GLIS3: variants seen among roughly 807,000 people sequenced by gnomAD.
The protein encoded by GLIS3 is GLIS family zinc finger 3, also known as zinc finger protein GLIS3.
A neutral mutation model predicts 78.6 loss-of-function variants in GLIS3; 53 were observed. The ratio of observed to expected loss-of-function variants is 0.67; its 90% confidence interval spans 0.54 to 0.85. GLIS3 has a LOEUF of 0.85. Ranked by LOEUF, GLIS3 falls within the 40% of genes least tolerant of loss-of-function variation. The pLI is 0.00. For synonymous variants in GLIS3, 684 were observed against 509.9 expected (o/e 1.34, Z -4.60); for missense variants, 1,703 against 1,231.1 (o/e 1.38, Z -5.74).
intron 2 of GLIS3, among the ~76,000 whole-genome samples, chr9:4,183,453 T>A (rs10119355): frequency 2.0e-5 from 3 of 151,984 alleles, no homozygotes. Flanking sequence ...CTCATTCCCA[T>A]TAACTTAATC....
At chr9:4,139,085 A>G (rs947202491) in intron 2 of GLIS3, among the ~76,000 whole-genome samples, 1 of 152,218 alleles carries the variant, frequency 6.6e-6, no homozygotes, top group African/African-American at 2.4e-5. Flanking sequence ...GTAAAGCCCA[A>G]CTTATCTTAT....
intron 4 of GLIS3, among the ~76,000 whole-genome samples, chr9:4,059,827 T>TGAGAGAGAGAGAGAGA (rs1252079860): frequency 1.9e-5 from 2 of 106,702 alleles, no homozygotes; most frequent in African/African-American, 6.8e-5. Flanking sequence ...TGTGTGTGTG[T>TGAGAGAGAGAGAGAGA]GTGAGAGAGA....
At chr9:4,024,735 ATTC>A (rs903805351) in intron 4 of GLIS3, among the ~76,000 whole-genome samples, 17 of 152,242 alleles carry the variant, frequency 1.1e-4, no homozygotes, top group Middle Eastern at 3.4e-3. Context: ...GATTTACTTA[ATTC>A]TTCTTCTTCT....
rs374592926 is a variant in GLIS3, at chr9:4,129,716, C to A, written c.389-3775G>T. Reference sequence around the variant, plus strand: ...CTTTTCTTTATAAATTAGCCAGGCTCGGGTATTTCTTTATAGCAATGCGAG... The same window carrying A: ...CTTTTCTTTATAAATTAGCCAGGCTAGGGTATTTCTTTATAGCAATGCGAG... On this transcript the variant is annotated intron_variant, in intron 2 of 10. Coordinates refer to ENST00000381971, the MANE Select transcript of GLIS3 (RefSeq NM_001042413.2). Among the ~76,000 whole-genome samples, 32 of 152,232 alleles carry A rather than the reference C, an allele frequency of 2.1e-4. No individual in the cohort carries two copies. In the East Asian group the frequency reaches 2.9e-3, roughly 14 times the overall value.
the GLIS3 span, among the ~76,000 whole-genome samples, chr9:4,398,980 C>T: frequency 2.6e-5 from 4 of 152,230 alleles, no homozygotes; most frequent in African/African-American, 9.7e-5. Flanking sequence ...AGCCACCGTA[C>T]CCAGCCTGCT....
intron 2 of GLIS3, among the ~76,000 whole-genome samples, chr9:4,151,519 G>C (rs1201121170): frequency 6.6e-6 from 1 of 152,194 alleles, no homozygotes; most frequent in African/African-American, 2.4e-5. Context: ...GAACTTGACA[G>C]CATAATTTTT....
chr9:4,024,893 G>A (rs1219187126), intron 4 of GLIS3, among the ~76,000 whole-genome samples: 1 of 152,158 alleles, frequency 6.6e-6, no homozygotes, highest in East Asian at 1.9e-4. Context: ...CCACAGGGCA[G>A]TAATCATGCC....
chr9:4,314,432 A>G (rs1374351249), intron 2 of GLIS3, among the ~76,000 whole-genome samples: 2 of 152,344 alleles, frequency 1.3e-5, no homozygotes, highest in East Asian at 1.9e-4. Context: ...CATGCACACA[A>G]TATGTTTGCA....
intron 2 of GLIS3, among the ~76,000 whole-genome samples, chr9:4,258,259 A>G (rs935696895): frequency 6.6e-6 from 1 of 152,258 alleles, no homozygotes; most frequent in African/African-American, 2.4e-5. Context: ...ACTTAAAATC[A>G]TACATAAAAG....
Position 3,895,548 on chromosome 9 carries a change from G to A in GLIS3, c.2128+3143C>T, listed in dbSNP as rs377284806. On this transcript the variant is annotated intron_variant, in intron 7 of 10. Transcript: ENST00000381971. ...ATATTTGGCTGCTTTAACCTGGGACGCTATTATCTTTCACAGAAATAAAAG... is the reference window on the plus strand; with the variant it reads ...ATATTTGGCTGCTTTAACCTGGGACACTATTATCTTTCACAGAAATAAAAG... Among the ~76,000 whole-genome samples, 75 of 152,228 alleles carry A rather than the reference G, an allele frequency of 4.9e-4. 1 individual carries two copies. Among genetic ancestry groups the A allele is most frequent in the Admixed American group, 2.9e-3 (44 of 15,294 alleles).
At chr9:4,127,789 T>C (rs1832684684) in intron 2 of GLIS3, among the ~76,000 whole-genome samples, 1 of 152,188 alleles carries the variant, frequency 6.6e-6, no homozygotes, top group Admixed American at 6.5e-5. Context: ...TCAAATTTAA[T>C]GTCATATATT....
the GLIS3 span, among the ~76,000 whole-genome samples, chr9:4,476,300 G>T: frequency 6.6e-6 from 1 of 152,052 alleles, no homozygotes; most frequent in Non-Finnish European, 1.5e-5. Context: ...CTTTACTGGT[G>T]TATCTCTGGG....
intron 2 of GLIS3, among the ~76,000 whole-genome samples, chr9:4,159,564 C>G (rs902341622): frequency 3.3e-5 from 5 of 151,998 alleles, no homozygotes; most frequent in Non-Finnish European, 5.9e-5. Flanking sequence ...ACTAAAAATA[C>G]AAAAATTAAC....
chr9:4,301,645 C>A (rs749042924), upstream of GLIS3, among the ~76,000 whole-genome samples: 2 of 152,250 alleles, frequency 1.3e-5, no homozygotes, highest in South Asian at 2.1e-4. Flanking sequence ...GTGGAGACTG[C>A]AAAAAACCTT....
chr9:4,011,212 C>A lies in GLIS3; in HGVS notation c.1711-74023G>T, dbSNP rs141508055. On this transcript the variant is annotated intron_variant, in intron 4 of 10. Coordinates refer to ENST00000381971, the MANE Select transcript of GLIS3 (RefSeq NM_001042413.2). ...CAGATGTTCAAATAAATAACGTGTG[C>A]GCAGAGTACAAAGAGGGTGGCAAGC... Among the ~76,000 whole-genome samples, 10 of 152,196 alleles carry A rather than the reference C, an allele frequency of 6.6e-5. No individual in the cohort carries two copies. In the East Asian group the frequency reaches 1.9e-3, roughly 29 times the overall value.
intron 8 of GLIS3, among the ~76,000 whole-genome samples, chr9:3,868,840 GTGTTGTATACAACACTTGTTGTACAT>G (rs1820781466): frequency 4.8e-4 from 1 of 2,094 alleles, no homozygotes; most frequent in Non-Finnish European, 1.0e-3. Flanking sequence ...GTTGTACATA[GTGTTGTATACAACACTTGTTGTACAT>G]AGTCTTCTTG....
At chr9:4,308,048 T>TCG (rs1817273323) in intron 4 of GLIS3, among the ~76,000 whole-genome samples, 2 of 152,176 alleles carry the variant, frequency 1.3e-5, no homozygotes, top group African/African-American at 4.8e-5. Context: ...CTCTGGGCTC[T>TCG]CACAGAACAC....
At chr9:4,489,027 C>T in the GLIS3 span, among the ~76,000 whole-genome samples, 1 of 152,030 alleles carries the variant, frequency 6.6e-6, no homozygotes, top group African/African-American at 2.4e-5. Flanking sequence ...CCACCACGCC[C>T]GGCTAATTTT....
At chr9:4,468,411 A>C in the GLIS3 span, among the ~76,000 whole-genome samples, 10 of 152,358 alleles carry the variant, frequency 6.6e-5, no homozygotes, top group African/African-American at 1.7e-4. Flanking sequence ...CAAAAAGGGA[A>C]GTCCATCAGA....
Sources: gnomAD v4.1 joint callset for allele counts (sites outside exome capture counted in the v4.1 genomes callset) on GRCh38, gnomAD v4.1.1 for gene constraint, MANE v1.5 for transcripts, NCBI Gene and HGNC (gene_info 2026-07-23, HGNC 2026-07-21) for gene names.